The following STAG1 variants were observed in gnomAD, a reference collection of about 807,000 sequenced individuals.
STAG1 encodes the protein STAG1 cohesin complex component, also known as cohesin subunit SA-1.
Under a neutral mutation model 170.9 loss-of-function variants are expected in STAG1, and 26 were observed. That is an observed-to-expected ratio of 0.15 (90% CI 0.11 to 0.21). STAG1 has a LOEUF of 0.21. STAG1 is among the 10% of genes least tolerant of loss of function. STAG1 has a pLI of 1.00. For synonymous variants in STAG1, 514 were observed against 497.7 expected (o/e 1.03, Z -0.44); for missense variants, 964 against 1,509.5 (o/e 0.64, Z 5.99).
intron 24 of STAG1, among the ~76,000 whole-genome samples, chr3:136,367,560 C>A (rs940660168): frequency 6.6e-6 from 1 of 152,060 alleles, no homozygotes; most frequent in Non-Finnish European, 1.5e-5. Context: ...ATCTGATTAC[C>A]TTTAAAACGC....
At chr3:136,383,150 G>T (rs977812358) in intron 22 of STAG1, among the ~76,000 whole-genome samples, 12 of 152,086 alleles carry the variant, frequency 7.9e-5, no homozygotes, top group Non-Finnish European at 1.5e-4. Flanking sequence ...CATTTTCAGG[G>T]TGTTACATCA....
At chr3:136,367,430 T>C (rs1019141112) in intron 24 of STAG1, among the ~76,000 whole-genome samples, 1 of 151,994 alleles carries the variant, frequency 6.6e-6, no homozygotes, top group Non-Finnish European at 1.5e-5. Context: ...TTTAAGAGAT[T>C]TGGGCATCCA....
chr3:136,452,267 C>T (rs574573241), intron 13 of STAG1, 120 bp from the exon 14 acceptor site: 9 of 661,082 alleles, frequency 1.4e-5, no homozygotes, highest in East Asian at 2.8e-5. Context: ...GCAGGGAGAA[C>T]GAGCATCAGA....
intron 3 of STAG1, among the ~76,000 whole-genome samples, chr3:136,605,876 T>C (rs947650616): frequency 1.3e-5 from 2 of 152,198 alleles, no homozygotes; most frequent in African/African-American, 2.4e-5. Context: ...GGGCTTCTTT[T>C]CCTTATTATA....
chr3:136,722,617 TCTCCCTCTCCCTCTCCCTCTCCCC>T (rs1410099468), intron 1 of STAG1, among the ~76,000 whole-genome samples: 1 of 148,270 alleles, frequency 6.7e-6, no homozygotes, highest in Non-Finnish European at 1.5e-5. Flanking sequence ...TGACTCTCCC[TCTCCCTCTCCCTCTCCCTCTCCCC>T]CTCCCTCTCC....
chr3:136,723,820 C>A (rs1314835548), intron 1 of STAG1, among the ~76,000 whole-genome samples: 2 of 142,324 alleles, frequency 1.4e-5, no homozygotes, highest in African/African-American at 5.2e-5. Flanking sequence ...CCGCCCCGTC[C>A]GGGAGGGAGG....
chr3:136,504,896 A>G (rs1933676202), intron 7 of STAG1, among the ~76,000 whole-genome samples: 1 of 152,196 alleles, frequency 6.6e-6, no homozygotes, highest in South Asian at 2.1e-4. Flanking sequence ...ATACATAAAC[A>G]GTAAAGTAAT....
chr3:136,591,505 G>A (rs1443379754), intron 4 of STAG1: 4 of 407,508 alleles, frequency 9.8e-6, no homozygotes, highest in South Asian at 5.4e-5. Flanking sequence ...CCAGAAGTTC[G>A]AGGTCAGCCT....
Position 136,742,004 on chromosome 3 carries a change from AATC to A in STAG1, c.-84+10188_-84+10190del, listed in dbSNP as rs939098376. ...GGTCAATTTGTCAAAACAACATAATAATCATAAGTTGTACATGTCTTACAACAG... is the reference window on the plus strand; with the variant it reads ...GGTCAATTTGTCAAAACAACATAATAATAAGTTGTACATGTCTTACAACAG... On this transcript the variant is annotated intron_variant, in intron 1 of 33. Transcript: ENST00000383202. 1.8e-3 allele frequency among the ~76,000 whole-genome samples: 278 copies of A among 152,302 alleles called. 2 individuals are homozygous for A. The highest frequency in any genetic ancestry group is 5.7e-3 in the African/African-American group (236 of 41,572).
At chr3:136,625,661 C>A (rs1940062002) in intron 2 of STAG1, among the ~76,000 whole-genome samples, 1 of 152,178 alleles carries the variant, frequency 6.6e-6, no homozygotes, top group Non-Finnish European at 1.5e-5. Context: ...CATAATCCTA[C>A]CTCAGCCATC....
At chr3:136,344,906 G>A (rs970788281) in intron 29 of STAG1, among the ~76,000 whole-genome samples, 1 of 151,738 alleles carries the variant, frequency 6.6e-6, no homozygotes, top group Non-Finnish European at 1.5e-5. Flanking sequence ...GAGCCACCAC[G>A]CCCAGGCTTC....
At chr3:136,742,461 C>CT (rs1183157859) in intron 1 of STAG1, among the ~76,000 whole-genome samples, 2 of 152,084 alleles carry the variant, frequency 1.3e-5, no homozygotes, top group Non-Finnish European at 1.5e-5. Context: ...TGCCTATAAT[C>CT]TGAGCACTTT....
intron 1 of STAG1, among the ~76,000 whole-genome samples, chr3:136,657,678 C>G (rs2107862132): frequency 6.6e-6 from 1 of 152,184 alleles, no homozygotes; most frequent in East Asian, 1.9e-4. Flanking sequence ...AAAAATGAGC[C>G]AGGCATGATG....
intron 9 of STAG1, among the ~76,000 whole-genome samples, chr3:136,486,477 A>G (rs972144467): frequency 6.6e-6 from 1 of 152,216 alleles, no homozygotes. Context: ...TCTATAAAAC[A>G]TCCAAATCAT....
At chr3:136,706,912 C>A (rs189302158) in intron 1 of STAG1, among the ~76,000 whole-genome samples, 75 of 152,190 alleles carry the variant, frequency 4.9e-4, no homozygotes, top group Non-Finnish European at 3.2e-4. Context: ...ACTCTATGGT[C>A]AACTGATTTT....
intron 4 of STAG1, among the ~76,000 whole-genome samples, chr3:136,595,878 C>A (rs906890457): frequency 2.6e-5 from 4 of 151,836 alleles, no homozygotes; most frequent in African/African-American, 9.7e-5. Flanking sequence ...AATTTTCTTT[C>A]TAAAATACCA....
chr3:136,585,259 T>C (rs553243941), intron 4 of STAG1, among the ~76,000 whole-genome samples: 2 of 152,228 alleles, frequency 1.3e-5, no homozygotes, highest in South Asian at 2.1e-4. Flanking sequence ...CTGGCCAACA[T>C]GGTAAAACCC....
rs148621072 is a variant in STAG1 at position 136,574,178 on chromosome 3, T to C, written c.298-5317A>G. Among the ~76,000 whole-genome samples, 6 of 151,636 alleles carry C rather than the reference T, an allele frequency of 4.0e-5. No homozygotes were observed. The South Asian group carries it at 1.0e-3, about 26-fold the overall frequency. ...ATTGGTTGAACCCGGGAGGTGGAGG[T>C]TGCAGTGAGCCGAGATGGTGCCGCT... On this transcript the variant is annotated intron_variant, in intron 4 of 33. Coordinates refer to ENST00000383202, the MANE Select transcript of STAG1 (RefSeq NM_005862.3).
chr3:136,698,487 AACC>A (rs767135521), intron 1 of STAG1, among the ~76,000 whole-genome samples: 2 of 130,068 alleles, frequency 1.5e-5, no homozygotes, highest in Non-Finnish European at 3.3e-5. Flanking sequence ...AAAGTCAAAA[AACC>A]AACAAACAGA....
Sources: gnomAD v4.1 joint callset for allele counts (sites outside exome capture counted in the v4.1 genomes callset) on GRCh38, gnomAD v4.1.1 for gene constraint, MANE v1.5 for transcripts, NCBI Gene and HGNC (gene_info 2026-07-23, HGNC 2026-07-21) for gene names.